The following SH3BP5 variants were observed in gnomAD, a reference collection of about 807,000 sequenced individuals.
SH3BP5 encodes the protein SH3 domain binding protein 5.
A neutral mutation model predicts 43.3 loss-of-function variants in SH3BP5; 22 were observed. The observed-to-expected ratio is 0.51, with a 90% CI of 0.36 to 0.73. SH3BP5 has a LOEUF of 0.73. SH3BP5 is among the 30% of genes least tolerant of loss of function. The pLI, the probability that SH3BP5 is intolerant of heterozygous loss-of-function variation, is 0.00. For missense variants in SH3BP5, 529 were observed against 586.9 expected, an observed-to-expected ratio of 0.90 and a Z score of 1.02; for synonymous variants, 255 against 225.8, an observed-to-expected ratio of 1.13 and a Z score of -1.16.
chr3:15,329,386 A>T (rs944962377), intron 2 of SH3BP5, among the ~76,000 whole-genome samples: 3 of 152,220 alleles, frequency 2.0e-5, no homozygotes, highest in Admixed American at 1.3e-4. Context: ...TCAATTCATA[A>T]GTGAAAGAAA....
chr3:15,256,692 ACTTGGAAACAACCT>A, intron 8 of SH3BP5, 147 bp downstream of exon 8: 1 of 834,344 alleles, frequency 1.2e-6, no homozygotes, highest in East Asian at 2.7e-5. Context: ...CCAGAACAGC[ACTTGGAAACAACCT>A]CAGTGATCAA....
intron 2 of SH3BP5, among the ~76,000 whole-genome samples, chr3:15,308,254 G>A (rs1202441667): frequency 6.6e-6 from 1 of 152,212 alleles, no homozygotes; most frequent in African/African-American, 2.4e-5. Flanking sequence ...GGCACAGACT[G>A]ACTGACTGCT....
intron 1 of SH3BP5, 89 bp downstream of exon 1, chr3:15,332,182 G>C: frequency 6.5e-7 from 1 of 1,530,172 alleles, no homozygotes; most frequent in Non-Finnish European, 8.8e-7. Flanking sequence ...CACAGTTACT[G>C]GGGGCTGCGA....
At chr3:15,257,733 G>C (rs1347792842) in intron 7 of SH3BP5, 2 of 152,272 alleles carry the variant, frequency 1.3e-5, no homozygotes, top group Admixed American at 1.3e-4. Context: ...ACAAGGCCCA[G>C]ACACATGTTA....
At chr3:15,315,206 G>C (rs1367954679) in intron 2 of SH3BP5, among the ~76,000 whole-genome samples, 1 of 150,746 alleles carries the variant, frequency 6.6e-6, no homozygotes, top group Non-Finnish European at 1.5e-5. Context: ...ACTGCCCAGG[G>C]CCAACTGAAA....
intron 1 of SH3BP5, 54 bp from the exon 2 acceptor site, chr3:15,330,620 C>T (rs1277409835): frequency 6.8e-7 from 1 of 1,466,410 alleles, no homozygotes; most frequent in East Asian, 2.5e-5. Flanking sequence ...CTTTTGTTTC[C>T]AATATAACTC....
chr3:15,280,800 C>T (rs1301449341), intron 3 of SH3BP5, among the ~76,000 whole-genome samples: 1 of 152,186 alleles, frequency 6.6e-6, no homozygotes, highest in Middle Eastern at 3.2e-3. Context: ...TCTTCCATCT[C>T]TGCCTTTGTC....
At chr3:15,269,604 G>A (rs2125063599) in intron 4 of SH3BP5, 109 bp downstream of exon 4, 1 of 1,192,246 alleles carries the variant, frequency 8.4e-7, no homozygotes, top group Non-Finnish European at 1.2e-6. Context: ...TGATTTTCAG[G>A]GTGTTTTCAG....
upstream of SH3BP5, among the ~76,000 whole-genome samples, chr3:15,335,691 T>C (rs568738229): frequency 2.6e-5 from 4 of 152,326 alleles, no homozygotes; most frequent in East Asian, 7.7e-4. Flanking sequence ...GATTTTAGCA[T>C]TGCAGGGGTC....
chr3:15,292,561 A>ACC (rs1370737622), intron 3 of SH3BP5, among the ~76,000 whole-genome samples: 2 of 152,140 alleles, frequency 1.3e-5, no homozygotes, highest in Admixed American at 6.6e-5. Context: ...CAGAAAAGAA[A>ACC]ACCTAAGCCA....
chr3:15,336,968 G>A (rs541710731), upstream of SH3BP5, among the ~76,000 whole-genome samples: 1 of 151,854 alleles, frequency 6.6e-6, no homozygotes, highest in South Asian at 2.1e-4. Flanking sequence ...CCCAACCCTG[G>A]TTCAATCCCA....
chr3:15,287,499 T>C (rs539350206), intron 3 of SH3BP5, among the ~76,000 whole-genome samples: 5 of 152,204 alleles, frequency 3.3e-5, no homozygotes, highest in Admixed American at 6.5e-5. Context: ...TCTGCAATAA[T>C]GGAAATGTTC....
chr3:15,278,586 G>A (rs1243891579), intron 3 of SH3BP5, among the ~76,000 whole-genome samples: 10 of 152,148 alleles, frequency 6.6e-5, no homozygotes, highest in Admixed American at 6.6e-4. Context: ...AGGATGTCTG[G>A]CATATATTTT....
At chr3:15,297,399 A>T (rs1697606321) in intron 3 of SH3BP5, among the ~76,000 whole-genome samples, 1 of 152,156 alleles carries the variant, frequency 6.6e-6, no homozygotes, top group Non-Finnish European at 1.5e-5. Flanking sequence ...TGTGGTGGTG[A>T]TCTTTTTTTT....
intron 1 of SH3BP5, 109 bp from the exon 2 acceptor site, chr3:15,330,675 G>A (rs1193503906): frequency 9.3e-6 from 13 of 1,397,026 alleles, no homozygotes; most frequent in Non-Finnish European, 1.0e-5. Flanking sequence ...TGCAGGAAAA[G>A]GGAAGAATCA....
chr3:15,316,603 A>T (rs1468999195), intron 2 of SH3BP5, among the ~76,000 whole-genome samples: 1 of 152,196 alleles, frequency 6.6e-6, no homozygotes, highest in Non-Finnish European at 1.5e-5. Flanking sequence ...AAAAATGTTT[A>T]AAATAGCCCA....
intron 6 of SH3BP5, chr3:15,259,498 T>TG: frequency 1.7e-6 from 1 of 579,640 alleles, no homozygotes; most frequent in Non-Finnish European, 3.1e-6. Flanking sequence ...CTCCAGGTGA[T>TG]GCTGATGCTG....
chr3:15,256,218 GCCA>G lies in SH3BP5; in HGVS notation c.1233_1235del (p.Gly412del). 6.2e-7 allele frequency: 1 copy of G among 1,614,034 alleles called. No individual in the cohort carries two copies. The highest frequency in any genetic ancestry group is 8.5e-7 in the Non-Finnish European group (1 of 1,180,036). ...AGGTGCTGCTTTGGCTCTTACTGCT[GCCA>G]CCACTGCCACTGCTACTGCTGAGGC... On this transcript the variant is annotated inframe_deletion, in exon 9 of 9. Coordinates refer to ENST00000383791, the MANE Select transcript of SH3BP5 (RefSeq NM_004844.5).
intron 2 of SH3BP5, among the ~76,000 whole-genome samples, chr3:15,306,054 T>TAAAAAAAA (rs60186514): frequency 0.014 from 1,959 of 136,916 alleles, 65 homozygotes; most frequent in African/African-American, 0.048. Context: ...TGCATGAGTT[T>TAAAAAAAA]AAAAAAAAAA....
Sources: gnomAD v4.1 joint callset for allele counts (sites outside exome capture counted in the v4.1 genomes callset) on GRCh38, gnomAD v4.1.1 for gene constraint, MANE v1.5 for transcripts, NCBI Gene and HGNC (gene_info 2026-07-23, HGNC 2026-07-21) for gene names.